Variants in ANO6 observed in about 807,000 individuals in gnomAD.
ANO6 encodes anoctamin 6, also known as anoctamin-6.
A neutral mutation model predicts 117.5 loss-of-function variants in ANO6; 106 were observed. That is an observed-to-expected ratio of 0.90 (90% CI 0.77 to 1.06). The LOEUF is 1.06. Among genes scored for constraint, ANO6 ranks in the 50% least tolerant of loss-of-function variants. The pLI, the probability that ANO6 is intolerant of heterozygous loss-of-function variation, is 0.00. For synonymous variants in ANO6, 367 were observed against 385.1 expected, an observed-to-expected ratio of 0.95 and a Z score of 0.55; for missense variants, 955 against 1,121.1, an observed-to-expected ratio of 0.85 and a Z score of 2.12.
rs542682237 is a variant in ANO6, at chr12:45,216,102, G to A, written c.-220G>A. 5.2e-5 allele frequency: 29 copies of A among 556,936 alleles called. No individual in the cohort carries two copies. Among genetic ancestry groups the A allele is most frequent in the Non-Finnish European group, 7.6e-5 (24 of 314,760 alleles). 34.5% of individuals were successfully genotyped at this position (556,936 alleles called of 1,614,324 possible). Reference sequence around the variant, plus strand: ...GCCGCACTGGGCATGCTCAGTCTCCGGGCTCCGCTCGGCAGGCGAGAGGCG... The same window carrying A: ...GCCGCACTGGGCATGCTCAGTCTCCAGGCTCCGCTCGGCAGGCGAGAGGCG... On this transcript the variant is annotated 5_prime_UTR_variant, in exon 1 of 20. Transcript: ENST00000320560.
intron 1 of ANO6, among the ~76,000 whole-genome samples, chr12:45,245,075 GGAAGAAAACGTTCT>G (rs1947804524): frequency 6.6e-6 from 1 of 152,110 alleles, no homozygotes; most frequent in Non-Finnish European, 1.5e-5. Flanking sequence ...CCGGCCCCCA[GGAAGAAAACGTTCT>G]GATAGCTTCT....
chr12:45,345,534 C>T (rs73281506), intron 3 of ANO6, among the ~76,000 whole-genome samples: 1,997 of 152,256 alleles, frequency 0.013, 36 homozygotes, highest in African/African-American at 0.046. Flanking sequence ...AATATTCCAC[C>T]CAGCGTTTTC....
chr12:45,376,967 GC>G (rs1322937391), intron 9 of ANO6, among the ~76,000 whole-genome samples: 1 of 152,014 alleles, frequency 6.6e-6, no homozygotes, highest in African/African-American at 2.4e-5. Flanking sequence ...GATTGAGGGG[GC>G]CTTGAAAATT....
intron 2 of ANO6, among the ~76,000 whole-genome samples, chr12:45,325,150 A>G (rs1170056096): frequency 1.3e-5 from 2 of 152,240 alleles, no homozygotes; most frequent in Non-Finnish European, 2.9e-5. Flanking sequence ...TGGATAGAAT[A>G]TTGTGAAAGT....
chr12:45,358,783 CT>C (rs397688092), intron 8 of ANO6, among the ~76,000 whole-genome samples: 427 of 142,478 alleles, frequency 3.0e-3, no homozygotes, highest in Admixed American at 3.3e-3. Flanking sequence ...TATGTCCCTC[CT>C]TTTTTTTTTT....
chr12:45,333,782 G>A (rs932238438), intron 3 of ANO6, among the ~76,000 whole-genome samples: 1 of 151,948 alleles, frequency 6.6e-6, no homozygotes, highest in Non-Finnish European at 1.5e-5. Flanking sequence ...AAAAACATTT[G>A]TGAGTTCCAT....
intron 1 of ANO6, among the ~76,000 whole-genome samples, chr12:45,288,731 A>G (rs902556693): frequency 2.0e-5 from 3 of 152,076 alleles, no homozygotes; most frequent in Non-Finnish European, 4.4e-5. Context: ...ATATATTATA[A>G]TACATAACTT....
chr12:45,292,072 A>G (rs1448713805), intron 1 of ANO6, among the ~76,000 whole-genome samples: 1 of 152,248 alleles, frequency 6.6e-6, no homozygotes, highest in Non-Finnish European at 1.5e-5. Flanking sequence ...GTGTCCATCC[A>G]CAGATGAATG....
intron 1 of ANO6, among the ~76,000 whole-genome samples, chr12:45,225,739 T>TC (rs1365612215): frequency 5.3e-5 from 8 of 152,336 alleles, no homozygotes; most frequent in Non-Finnish European, 1.2e-4. Flanking sequence ...TCCTCCCGCC[T>TC]CGGCCTTCCA....
Position 45,431,607 on chromosome 12 carries a change from A to G in ANO6, c.*2296A>G, listed in dbSNP as rs186403170. 450 of 985,458 alleles carry G rather than the reference A, an allele frequency of 4.6e-4. No homozygotes were observed. The highest frequency in any genetic ancestry group is 5.1e-4 in the Non-Finnish European group (420 of 829,938). The allele number at this position is 985,458 out of a possible 1,614,324, so 61.0% of individuals were successfully genotyped here. ...CACTGTTAAGATGCCCAAAAGAGCA[A>G]AGTTGTAGTGGAGATGCAGGGTCAT... On this transcript the variant is annotated 3_prime_UTR_variant, in exon 20 of 20. Transcript: ENST00000320560.
downstream of ANO6, among the ~76,000 whole-genome samples, chr12:45,433,062 G>C (rs1943666155): frequency 6.6e-6 from 1 of 152,212 alleles, no homozygotes; most frequent in South Asian, 2.1e-4. Context: ...ACCAGGACTT[G>C]ATGAATAACT....
chr12:45,309,108 A>G (rs1287571317), intron 2 of ANO6, among the ~76,000 whole-genome samples: 1 of 152,118 alleles, frequency 6.6e-6, no homozygotes, highest in Admixed American at 6.6e-5. Context: ...TGAATTTTTC[A>G]GGATGGCAAG....
At chr12:45,347,492 C>G (rs945082055) in intron 4 of ANO6, 2 of 190,868 alleles carry the variant, frequency 1.0e-5, no homozygotes, top group African/African-American at 4.7e-5. Flanking sequence ...TATATGTACA[C>G]ATTTTTTATC....
intron 1 of ANO6, among the ~76,000 whole-genome samples, chr12:45,242,152 G>T (rs1315830981): frequency 2.0e-5 from 3 of 152,232 alleles, no homozygotes; most frequent in Non-Finnish European, 2.9e-5. Flanking sequence ...GCTGCCTTTT[G>T]TTCAGCTATG....
chr12:45,428,153 A>T (rs547635983), intron 19 of ANO6, among the ~76,000 whole-genome samples: 2 of 152,338 alleles, frequency 1.3e-5, no homozygotes, highest in East Asian at 3.9e-4. Context: ...ATTCAAGCAC[A>T]ATAATGTTCA....
At chr12:45,264,685 CA>C (rs1938157783) in intron 1 of ANO6, among the ~76,000 whole-genome samples, 1 of 152,096 alleles carries the variant, frequency 6.6e-6, no homozygotes, top group African/African-American at 2.4e-5. Flanking sequence ...TATGTAAATA[CA>C]AAAAATTTTT....
chr12:45,357,755 G>A (rs1247655714), intron 8 of ANO6, among the ~76,000 whole-genome samples: 2 of 152,208 alleles, frequency 1.3e-5, no homozygotes, highest in Admixed American at 6.5e-5. Context: ...ACTCAGCCCT[G>A]CAGATGTGAG....
At chr12:45,217,238 G>A (rs1947330140) in intron 1 of ANO6, among the ~76,000 whole-genome samples, 1 of 152,170 alleles carries the variant, frequency 6.6e-6, no homozygotes, top group African/African-American at 2.4e-5. Flanking sequence ...ACTGTCGGGG[G>A]ATGATGATAT....
At chr12:45,247,065 A>G (rs1947837071) in intron 1 of ANO6, among the ~76,000 whole-genome samples, 1 of 152,050 alleles carries the variant, frequency 6.6e-6, no homozygotes, top group Non-Finnish European at 1.5e-5. Flanking sequence ...AGCTGGGACT[A>G]CAGACGTTCG....
Sources: allele counts gnomAD v4.1 joint callset (sites outside exome capture counted in the v4.1 genomes callset), GRCh38; gene constraint gnomAD v4.1.1; transcripts MANE v1.5; gene names NCBI Gene and HGNC (gene_info 2026-07-23, HGNC 2026-07-21).